Variants in ASPRV1 observed in about 807,000 individuals in gnomAD.
ASPRV1 encodes retroviral-like aspartic protease 1.
In ASPRV1, 7 loss-of-function variants were observed where a neutral mutation model predicts 11.0. The observed-to-expected ratio is 0.64, with a 90% confidence interval of 0.36 to 1.20. The LOEUF is 1.20. ASPRV1 is among the 50% of genes most tolerant of loss of function. The pLI, the probability that ASPRV1 is intolerant of heterozygous loss-of-function variation, is 0.02. For synonymous variants in ASPRV1, 136 were observed against 138.4 expected, an observed-to-expected ratio of 0.98 and a Z score of 0.12; for missense variants, 299 against 320.0, an observed-to-expected ratio of 0.93 and a Z score of 0.50.
chr2:70,043,817 T>C, the ASPRV1 span, among the ~76,000 whole-genome samples: 1 of 152,220 alleles, frequency 6.6e-6, no homozygotes, highest in African/African-American at 2.4e-5. Flanking sequence ...GGTTACATTA[T>C]AGCTGTCAGC....
At chr2:69,945,542 C>A in the ASPRV1 span, among the ~76,000 whole-genome samples, 1 of 152,174 alleles carries the variant, frequency 6.6e-6, no homozygotes, top group African/African-American at 2.4e-5. Context: ...CTGGGTTGAA[C>A]ATGTTGCCCA....
the ASPRV1 span, among the ~76,000 whole-genome samples, chr2:69,985,211 TCTTC>T: frequency 1.3e-5 from 2 of 151,986 alleles, no homozygotes; most frequent in African/African-American, 2.4e-5. Flanking sequence ...CTCTTCCCTC[TCTTC>T]CTTCCTTCCT....
At position 69,961,301 on chromosome 2, in the gene ASPRV1, C is replaced by G; in HGVS notation, c.136G>C (p.Asp46His). The G allele has an allele frequency of 6.2e-7, 1 of 1,614,090 alleles. No homozygotes were observed. The highest frequency in any genetic ancestry group is 1.3e-5 in the African/African-American group (1 of 75,014). ...AGGAACCTTAGCTTGGTGATATGGTCCCAATGGTTGAGGTCATTGATGACT... is the reference window on the plus strand; with the variant it reads ...AGGAACCTTAGCTTGGTGATATGGTGCCAATGGTTGAGGTCATTGATGACT... ...FEVINDLNHW[D>H]HITKLRFLKE... Residue 46 changes from aspartate to histidine, a missense_variant, in exon 1 of 1, where the codon GAC (aspartate) becomes CAC (histidine). Physicochemically the swap from Asp to His is moderately conservative, Grantham distance 81. Transcript: ENST00000320256.
chr2:70,030,366 G>A, the ASPRV1 span: 2 of 152,206 alleles, frequency 1.3e-5, no homozygotes, highest in Admixed American at 6.6e-5. Flanking sequence ...GGTTGTCCTC[G>A]GGCCACCTTT....
the ASPRV1 span, among the ~76,000 whole-genome samples, chr2:70,023,256 T>C: frequency 2.3e-4 from 35 of 152,158 alleles, no homozygotes; most frequent in Non-Finnish European, 4.6e-4. Context: ...CTTGTCTTCT[T>C]CACCTTCTGA....
At chr2:70,057,174 G>A in the ASPRV1 span, among the ~76,000 whole-genome samples, 100 of 152,054 alleles carry the variant, frequency 6.6e-4, no homozygotes, top group Non-Finnish European at 1.3e-3. Context: ...GGCCAAGGTA[G>A]GTGGATTGCT....
upstream of ASPRV1, chr2:69,961,841 G>A (rs564621903): frequency 7.3e-6 from 6 of 817,186 alleles, no homozygotes; most frequent in Admixed American, 1.5e-4. Flanking sequence ...CTGTTGAAGG[G>A]GGACTACCCT....
At chr2:69,995,015 A>AT in the ASPRV1 span, among the ~76,000 whole-genome samples, 1 of 150,998 alleles carries the variant, frequency 6.6e-6, no homozygotes, top group African/African-American at 2.4e-5. Context: ...AAATAAATAA[A>AT]TAAATTAATT....
the ASPRV1 span, among the ~76,000 whole-genome samples, chr2:69,971,720 G>C: frequency 6.6e-6 from 1 of 152,228 alleles, no homozygotes; most frequent in African/African-American, 2.4e-5. Context: ...ATGCCCACAA[G>C]CCCTTGACAT....
chr2:70,071,084 C>T, the ASPRV1 span, among the ~76,000 whole-genome samples: 2 of 152,134 alleles, frequency 1.3e-5, no homozygotes, highest in South Asian at 2.1e-4. Context: ...GCTCTGATGG[C>T]GTATGCAGCA....
the ASPRV1 span, among the ~76,000 whole-genome samples, chr2:69,949,215 CTG>C: frequency 6.6e-6 from 1 of 152,156 alleles, no homozygotes; most frequent in African/African-American, 2.4e-5. Flanking sequence ...AGGACCATGC[CTG>C]TGTGTGCTCA....
At chr2:69,955,748 T>C (rs1488249295), downstream of ASPRV1, among the ~76,000 whole-genome samples, 2 of 151,776 alleles carry the variant, frequency 1.3e-5, no homozygotes, top group East Asian at 1.9e-4. Flanking sequence ...CTGTGTGACA[T>C]GAGAAATAAT....
the ASPRV1 span, among the ~76,000 whole-genome samples, chr2:70,084,778 A>C: frequency 6.6e-6 from 1 of 152,204 alleles, no homozygotes; most frequent in Non-Finnish European, 1.5e-5. Context: ...TAAAAATGTG[A>C]GACACTGAAT....
the ASPRV1 span, among the ~76,000 whole-genome samples, chr2:70,058,950 C>T: frequency 4.5e-3 from 644 of 144,358 alleles, 3 homozygotes; most frequent in Non-Finnish European, 6.4e-3. Flanking sequence ...GCAATGGCGC[C>T]AACCCGGCTC....
chr2:70,058,374 C>T, the ASPRV1 span, among the ~76,000 whole-genome samples: 1 of 152,130 alleles, frequency 6.6e-6, no homozygotes, highest in Non-Finnish European at 1.5e-5. Context: ...TCCCAAGTAG[C>T]TGGGACTACA....
At chr2:69,997,472 C>G in the ASPRV1 span, among the ~76,000 whole-genome samples, 1 of 152,318 alleles carries the variant, frequency 6.6e-6, no homozygotes, top group East Asian at 1.9e-4. Context: ...CCACACTTGT[C>G]CAAGTCAGCA....
the ASPRV1 span, among the ~76,000 whole-genome samples, chr2:70,039,719 C>G: frequency 6.6e-6 from 1 of 152,184 alleles, no homozygotes; most frequent in African/African-American, 2.4e-5. Context: ...AGTCAACTCT[C>G]AAGTTTTCTT....
the ASPRV1 span, among the ~76,000 whole-genome samples, chr2:69,991,101 C>T: frequency 6.6e-6 from 1 of 152,212 alleles, no homozygotes; most frequent in South Asian, 2.1e-4. Flanking sequence ...TGGCTAACAG[C>T]CCCTGCATCG....
the ASPRV1 span, chr2:69,976,618 T>C: frequency 6.6e-6 from 1 of 152,322 alleles, no homozygotes; most frequent in Admixed American, 6.5e-5. Flanking sequence ...TGGGTGACAA[T>C]GACCCTAAGT....
Sources: gnomAD v4.1 joint callset for allele counts (sites outside exome capture counted in the v4.1 genomes callset) on GRCh38, gnomAD v4.1.1 for gene constraint, MANE v1.5 for transcripts, NCBI Gene and HGNC (gene_info 2026-07-23, HGNC 2026-07-21) for gene names.